The following SRPK2 variants were observed in gnomAD, a reference collection of about 807,000 sequenced individuals.
SRPK2 encodes the protein SRSF protein kinase 2, also known as SFRS protein kinase 2.
In SRPK2, 21 loss-of-function variants were observed where a neutral mutation model predicts 90.8. The observed-to-expected ratio is 0.23, with a 90% CI of 0.16 to 0.33. The LOEUF (loss-of-function observed/expected upper bound fraction) is 0.33. Ranked by LOEUF, SRPK2 falls within the 10% of genes least tolerant of loss-of-function variation. The pLI, the probability that SRPK2 is intolerant of heterozygous loss-of-function variation, is 1.00. For synonymous variants in SRPK2, 288 were observed against 311.1 expected, an observed-to-expected ratio of 0.93 and a Z score of 0.78; for missense variants, 620 against 869.0, an observed-to-expected ratio of 0.71 and a Z score of 3.60.
chr7:105,194,453 A>C (rs1794672616), intron 3 of SRPK2, among the ~76,000 whole-genome samples: 1 of 152,184 alleles, frequency 6.6e-6, no homozygotes, highest in Non-Finnish European at 1.5e-5. Flanking sequence ...TGTAGAGAAA[A>C]CCTAGAGAAA....
rs571617258 is a variant in SRPK2, at chr7:105,252,088, G to C, written c.72-48303C>G. Among the ~76,000 whole-genome samples, 5 of 152,226 alleles carry C rather than the reference G, an allele frequency of 3.3e-5. No individual in the cohort carries two copies. The East Asian group carries it at 9.6e-4, about 29-fold the overall frequency. On this transcript the variant is annotated intron_variant, in intron 2 of 15. Coordinates refer to ENST00000393651, the MANE Select transcript of SRPK2 (RefSeq NM_182692.3). ...CATTAAAAAGAGGATATAACACCAG[G>C]CAAGTAATATGATGGCAGATAACTG...
At chr7:105,168,693 ATTCTCTT>A (rs1790396548) in intron 4 of SRPK2, among the ~76,000 whole-genome samples, 1 of 147,648 alleles carries the variant, frequency 6.8e-6, no homozygotes, top group Non-Finnish European at 1.5e-5. Context: ...AGTGAAAACC[ATTCTCTT>A]TTAACACTTT....
chr7:105,125,856 A>G, intron 15 of SRPK2: 2 of 1,302,812 alleles, frequency 1.5e-6, no homozygotes, highest in South Asian at 1.2e-5. Context: ...CAGCAGTTCA[A>G]TGATCAATGC....
rs889644797 is a variant in SRPK2 at position 105,201,976 on chromosome 7, T to C, written c.229+1652A>G. On this transcript the variant is annotated intron_variant, in intron 3 of 15. Transcript: ENST00000393651. ...GAAAAATCGAAGACAGTATAAGAAA[T>C]GAAGAGTAAGAGGGAGGATGGAAAA... Among the ~76,000 whole-genome samples the C allele has an allele frequency of 1.1e-4, 16 of 152,134 alleles. 1 individual carries two copies. The highest frequency in any genetic ancestry group is 1.0e-3 in the Admixed American group (16 of 15,278).
chr7:105,248,948 G>A (rs568257733), intron 2 of SRPK2, among the ~76,000 whole-genome samples: 1 of 151,852 alleles, frequency 6.6e-6, no homozygotes, highest in African/African-American at 2.4e-5. Flanking sequence ...AAAATTCAAA[G>A]GTTAAACCAG....
chr7:105,125,932 T>C (rs1273102261), intron 15 of SRPK2: 8 of 933,522 alleles, frequency 8.6e-6, no homozygotes, highest in African/African-American at 6.7e-5. Flanking sequence ...ATCAGTACAC[T>C]GCATGCAGAC....
chr7:105,239,836 G>A (rs1209144366), intron 2 of SRPK2, among the ~76,000 whole-genome samples: 3 of 152,138 alleles, frequency 2.0e-5, no homozygotes, highest in South Asian at 2.1e-4. Context: ...TAGGATCTTC[G>A]CAGCAGTGTC....
chr7:105,327,048 C>CT (rs1470568907), intron 2 of SRPK2, among the ~76,000 whole-genome samples: 1 of 121,240 alleles, frequency 8.2e-6, no homozygotes, highest in African/African-American at 3.2e-5. Context: ...ACCTGGGCGA[C>CT]AAGAGCAAAA....
At chr7:105,293,769 G>C (rs1044605106) in intron 2 of SRPK2, among the ~76,000 whole-genome samples, 1 of 152,162 alleles carries the variant, frequency 6.6e-6, no homozygotes, top group African/African-American at 2.4e-5. Flanking sequence ...TGCAAGATAA[G>C]ATATGTCCAA....
intron 3 of SRPK2, among the ~76,000 whole-genome samples, chr7:105,186,488 C>A (rs1348239445): frequency 6.6e-6 from 1 of 152,196 alleles, no homozygotes; most frequent in Non-Finnish European, 1.5e-5. Flanking sequence ...AAAATAATGG[C>A]CTCCAGCTTC....
chr7:105,315,956 T>C (rs752548468), intron 2 of SRPK2, among the ~76,000 whole-genome samples: 2 of 152,124 alleles, frequency 1.3e-5, no homozygotes, highest in Non-Finnish European at 2.9e-5. Flanking sequence ...TTTAGTATTA[T>C]GAAACTCCCA....
chr7:105,183,176 T>C (rs557646576), intron 3 of SRPK2, among the ~76,000 whole-genome samples: 19 of 152,184 alleles, frequency 1.2e-4, no homozygotes, highest in African/African-American at 3.4e-4. Context: ...CTAATCATCT[T>C]TTTTTGTCAT....
chr7:105,374,115 C>T (rs573110918), intron 2 of SRPK2, among the ~76,000 whole-genome samples: 12 of 151,388 alleles, frequency 7.9e-5, no homozygotes, highest in African/African-American at 2.2e-4. Context: ...TTAGTAGAGA[C>T]GGGGTTTCAC....
chr7:105,259,683 C>T (rs1049377569), intron 2 of SRPK2, among the ~76,000 whole-genome samples: 5 of 152,174 alleles, frequency 3.3e-5, no homozygotes, highest in Non-Finnish European at 7.3e-5. Flanking sequence ...GGTACCAAAA[C>T]TGAGATATAG....
chr7:105,338,314 C>G (rs1016864065), intron 2 of SRPK2, among the ~76,000 whole-genome samples: 2 of 152,210 alleles, frequency 1.3e-5, no homozygotes, highest in Admixed American at 1.3e-4. Flanking sequence ...CCGCTCACTG[C>G]AACCTCCACA....
chr7:105,142,956 G>C (rs1254087437), intron 10 of SRPK2, 128 bp downstream of exon 10: 8 of 1,227,490 alleles, frequency 6.5e-6, no homozygotes, highest in Non-Finnish European at 9.0e-6. Flanking sequence ...TTTCCCAATA[G>C]GGAGTTGGAG....
intron 2 of SRPK2, among the ~76,000 whole-genome samples, chr7:105,220,949 A>G (rs1294361812): frequency 1.3e-5 from 2 of 152,208 alleles, no homozygotes; most frequent in Admixed American, 1.3e-4. Context: ...CTGGAGGTAA[A>G]TAAGAGTAGA....
At chr7:105,281,419 C>A (rs568606914) in intron 2 of SRPK2, among the ~76,000 whole-genome samples, 1 of 152,014 alleles carries the variant, frequency 6.6e-6, no homozygotes, top group Non-Finnish European at 1.5e-5. Context: ...CTGCAAAAAC[C>A]GCAATTACAT....
intron 7 of SRPK2, among the ~76,000 whole-genome samples, chr7:105,157,539 T>G (rs1806699213): frequency 1.3e-5 from 2 of 152,214 alleles, no homozygotes; most frequent in African/African-American, 4.8e-5. Flanking sequence ...CACTGAAAGT[T>G]CTGCGTAAGC....
Sources: gnomAD v4.1 joint callset for allele counts (sites outside exome capture counted in the v4.1 genomes callset) on GRCh38, gnomAD v4.1.1 for gene constraint, MANE v1.5 for transcripts, NCBI Gene and HGNC (gene_info 2026-07-23, HGNC 2026-07-21) for gene names.